Variants in ANGPT4 observed in about 807,000 individuals in gnomAD.
ANGPT4 encodes angiopoietin 4, also known as angiopoietin-4.
In ANGPT4, 50 loss-of-function variants were observed where a neutral mutation model predicts 53.0. The observed-to-expected ratio is 0.94, with a 90% CI of 0.75 to 1.20. ANGPT4 has a LOEUF of 1.20. Ranked by LOEUF, ANGPT4 falls within the 50% of genes most tolerant of loss-of-function variation. The probability of loss-of-function intolerance (pLI) is 0.00; values close to 1 mark genes in which losing one functional copy is unlikely to be tolerated. For synonymous variants in ANGPT4, 251 were observed against 259.7 expected, an observed-to-expected ratio of 0.97 and a Z score of 0.32; for missense variants, 648 against 637.1, an observed-to-expected ratio of 1.02 and a Z score of -0.18.
chr20:897,456 C>A (rs1319329129), intron 1 of ANGPT4, among the ~76,000 whole-genome samples: 1 of 152,222 alleles, frequency 6.6e-6, no homozygotes, highest in Non-Finnish European at 1.5e-5. Flanking sequence ...TCCTTTTTCT[C>A]TCTAGTAGAG....
intron 4 of ANGPT4, among the ~76,000 whole-genome samples, chr20:882,368 TA>T (rs988474127): frequency 6.6e-6 from 1 of 152,176 alleles, no homozygotes; most frequent in Admixed American, 6.5e-5. Context: ...AGGATGGGGC[TA>T]AAATTCCAGA....
rs1380440383 is a variant in ANGPT4, at chr20:870,423, G to GA, written c.*2536dup. On this transcript the variant is annotated 3_prime_UTR_variant, in exon 9 of 9. Transcript: ENST00000381922. ...AGGCGTCTGTAATCCCATTACTCAG[G>GA]AGGCTGAGGTAGGAGAATCACTTGA... 1.3e-5 allele frequency: 2 copies of GA among 152,208 alleles called. No individual in the cohort carries two copies. Among genetic ancestry groups the GA allele is most frequent in the Non-Finnish European group, 2.9e-5 (2 of 68,056 alleles). 9.4% of individuals were successfully genotyped at this position (152,208 alleles called of 1,614,324 possible). A position where few individuals can be genotyped will look rare whatever the true frequency, so the allele number is the denominator to read the frequency against.
At chr20:902,814 G>A (rs560400525) in intron 1 of ANGPT4, among the ~76,000 whole-genome samples, 1 of 152,140 alleles carries the variant, frequency 6.6e-6, no homozygotes, top group East Asian at 1.9e-4. Context: ...TTCCTCACTG[G>A]TGTCCCCAGT....
Position 915,900 on chromosome 20 carries a change from C to G in ANGPT4, c.309+6G>C, listed in dbSNP as rs775445001. 1.9e-6 allele frequency: 3 copies of G among 1,559,090 alleles called. No homozygotes were observed. The highest frequency in any genetic ancestry group is 2.6e-6 in the Non-Finnish European group (3 of 1,149,266). ...CTGCCCCCTGCAAACCTCCCATGCC[C>G]CGTACCTTCTTCAGCCACTGCGTGT... On this transcript the variant is annotated splice_donor_region_variant and intron_variant, in intron 1 of 8. Coordinates refer to ENST00000381922, the MANE Select transcript of ANGPT4 (RefSeq NM_015985.4).
At chr20:906,301 C>G (rs557640708) in intron 1 of ANGPT4, among the ~76,000 whole-genome samples, 52 of 152,268 alleles carry the variant, frequency 3.4e-4, no homozygotes, top group African/African-American at 1.2e-3. Context: ...CTTCTACTCA[C>G]AGCCAGCGCC....
chr20:874,003 TC>T (rs530959729), intron 8 of ANGPT4, among the ~76,000 whole-genome samples: 7 of 151,980 alleles, frequency 4.6e-5, no homozygotes, highest in Admixed American at 4.6e-4. Flanking sequence ...ATAGGGTGCC[TC>T]CCCCCCGGGG....
chr20:887,958 A>G (rs1981678935), intron 3 of ANGPT4, among the ~76,000 whole-genome samples: 1 of 152,020 alleles, frequency 6.6e-6, no homozygotes, highest in Non-Finnish European at 1.5e-5. Context: ...GAAGATGCCT[A>G]TCCCCTGTCC....
chr20:896,977 G>A (rs566185181), intron 1 of ANGPT4, among the ~76,000 whole-genome samples: 8 of 152,222 alleles, frequency 5.3e-5, no homozygotes, highest in South Asian at 2.1e-4. Flanking sequence ...CTGCCTTAAC[G>A]GATGACATTA....
intron 6 of ANGPT4, among the ~76,000 whole-genome samples, chr20:879,420 C>T (rs1258496264): frequency 6.6e-6 from 1 of 152,154 alleles, no homozygotes; most frequent in Non-Finnish European, 1.5e-5. Flanking sequence ...TTCATTAAAG[C>T]AACGCAGTCA....
At chr20:897,944 T>C (rs146112519) in intron 1 of ANGPT4, among the ~76,000 whole-genome samples, 2,089 of 152,336 alleles carry the variant, frequency 0.014, 36 homozygotes, top group South Asian at 0.081. Context: ...AACAGCACTT[T>C]TGATTTCTCC....
At chr20:885,362 T>C in intron 3 of ANGPT4, 37 bp from the exon 4 acceptor site, 1 of 1,508,794 alleles carries the variant, frequency 6.6e-7, no homozygotes, top group Admixed American at 2.1e-5. Flanking sequence ...GAGCCTGGCA[T>C]CCTCGCGAAG....
chr20:873,142 G>A (rs763868544), intron 8 of ANGPT4, 22 bp from the exon 9 acceptor site: 5 of 1,612,066 alleles, frequency 3.1e-6, no homozygotes, highest in Admixed American at 1.7e-5. Context: ...GGGAGGACAG[G>A]CGCTTGGTGG....
In ANGPT4 at chr20:885,229, G is replaced by A. The variant is rs1431602546; in HGVS notation, c.684C>T (p.Ser228=). The change falls in exon 4 of 9, where the codon AGC becomes AGT. Residue 228 remains serine, a synonymous_variant. Transcript: ENST00000381922. The stretch of plus-strand genomic sequence containing the variant: ...TGTTGGTGAGGGCGGCGCTCTGGCG[G>A]CTCAGCGTGTTCAGCAGCTTCGCCT... ...SKKAKLLNTL[S]RQSAALTNIE... 4.4e-6 allele frequency: 7 copies of A among 1,587,486 alleles called. No homozygotes were observed. Among genetic ancestry groups the A allele is most frequent in the Middle Eastern group, 1.7e-4 (1 of 5,868 alleles).
chr20:898,306 G>T (rs2122833129), intron 1 of ANGPT4, among the ~76,000 whole-genome samples: 1 of 152,264 alleles, frequency 6.6e-6, no homozygotes, highest in African/African-American at 2.4e-5. Flanking sequence ...GTTTCGTTCT[G>T]CAACTAGCCC....
chr20:907,988 A>G (rs1288210326), intron 1 of ANGPT4, among the ~76,000 whole-genome samples: 3 of 152,114 alleles, frequency 2.0e-5, no homozygotes, highest in Non-Finnish European at 2.9e-5. Flanking sequence ...GCCGAGCATT[A>G]CTCACAGCTG....
intron 1 of ANGPT4, among the ~76,000 whole-genome samples, chr20:900,502 C>T (rs1269247537): frequency 6.6e-6 from 1 of 152,166 alleles, no homozygotes; most frequent in Non-Finnish European, 1.5e-5. Context: ...TGTCTACCTG[C>T]TAATTGGACA....
intron 3 of ANGPT4, among the ~76,000 whole-genome samples, chr20:886,245 G>T (rs932629923): frequency 2.0e-5 from 3 of 152,198 alleles, no homozygotes; most frequent in Non-Finnish European, 4.4e-5. Context: ...ATATGGAAAT[G>T]TTACTCATCG....
chr20:888,414 T>C lies in ANGPT4; in HGVS notation c.491A>G (p.Asp164Gly). Residue 164 changes from aspartate to glycine, a missense_variant, in exon 3 of 9, where the codon GAT (aspartate) becomes GGT (glycine). By Grantham distance (94) the Asp-to-Gly change is moderately conservative. Coordinates refer to ENST00000381922, the MANE Select transcript of ANGPT4 (RefSeq NM_015985.4). ...AQLLNQTSRM[D>G]AQMPETFLST... is the part of the protein sequence containing the mutation. ...CAGAAAGGTCTCTGGCATCTGGGCA[T>C]CCATTCTTGATGTCTGGTTCAGGAG... 1 of 1,613,398 alleles carries C rather than the reference T, an allele frequency of 6.2e-7. No individual in the cohort carries two copies.
chr20:885,352 G>A, intron 3 of ANGPT4, 27 bp from the exon 4 acceptor site: 3 of 1,541,792 alleles, frequency 1.9e-6, no homozygotes, highest in Non-Finnish European at 1.7e-6. Flanking sequence ...GCACAGAGGT[G>A]AGCCTGGCAT....
Sources: gnomAD v4.1 joint callset for allele counts (sites outside exome capture counted in the v4.1 genomes callset) on GRCh38, gnomAD v4.1.1 for gene constraint, MANE v1.5 for transcripts, NCBI Gene and HGNC (gene_info 2026-07-23, HGNC 2026-07-21) for gene names.